HOXC6: variants seen among roughly 807,000 people sequenced by gnomAD.
HOXC6 encodes the protein homeobox protein Hox-C6.
A neutral mutation model predicts 24.0 loss-of-function variants in HOXC6; 10 were observed. The observed-to-expected ratio is 0.42, with a 90% CI of 0.26 to 0.71. The LOEUF is 0.71. HOXC6 is among the 30% of genes least tolerant of loss of function. The pLI is 0.28. For synonymous variants in HOXC6, 123 were observed against 128.1 expected (o/e 0.96, Z 0.27); for missense variants, 258 against 303.4 (o/e 0.85, Z 1.11).
intron 1 of HOXC6, among the ~76,000 whole-genome samples, chr12:54,018,640 C>T (rs1444241812): frequency 6.6e-6 from 1 of 152,188 alleles, no homozygotes; most frequent in Non-Finnish European, 1.5e-5. Flanking sequence ...GATATATGAC[C>T]CCGCCCTGCT....
chr12:54,023,567 G>C (rs1177481486), upstream of HOXC6, among the ~76,000 whole-genome samples: 1 of 152,124 alleles, frequency 6.6e-6, no homozygotes, highest in Non-Finnish European at 1.5e-5. Flanking sequence ...GGAGGTGTTT[G>C]GGGGCAGTTC....
upstream of HOXC6, chr12:54,028,267 A>ATAT (rs3031476): frequency 9.3e-5 from 7 of 75,366 alleles, no homozygotes; most frequent in Admixed American, 3.5e-4. Flanking sequence ...ATATATATAT[A>ATAT]TTTTTTAAAA....
intron 1 of HOXC6, chr12:54,017,485 G>A (rs903501993): frequency 6.6e-6 from 1 of 151,928 alleles, no homozygotes; most frequent in Admixed American, 6.5e-5. Flanking sequence ...GGACAGCAGC[G>A]GCTTCTCTTG....
chr12:54,023,061 G>T (rs1019454496), intron 1 of HOXC6, among the ~76,000 whole-genome samples: 1 of 152,170 alleles, frequency 6.6e-6, no homozygotes, highest in Non-Finnish European at 1.5e-5. Flanking sequence ...CCCCTCAAGT[G>T]TCCCTAGGCA....
At chr12:54,029,523 G>C in intron 1 of HOXC6, 132 bp from the exon 2 acceptor site, 1 of 906,160 alleles carries the variant, frequency 1.1e-6, no homozygotes, top group Non-Finnish European at 1.7e-6. Context: ...AGGCAAAAGG[G>C]AGAAGGCTAG....
upstream of HOXC6, among the ~76,000 whole-genome samples, chr12:54,025,539 AGG>A (rs1940659366): frequency 1.7e-4 from 4 of 23,706 alleles, no homozygotes; most frequent in African/African-American, 7.1e-4. Flanking sequence ...GGGGGGGGGG[AGG>A]TGTTGAAAAT....
upstream of HOXC6, among the ~76,000 whole-genome samples, chr12:54,026,617 T>C (rs549386109): frequency 1.3e-5 from 2 of 152,308 alleles, no homozygotes; most frequent in Non-Finnish European, 1.5e-5. Context: ...TTCTGGAGGA[T>C]TGGGGCTGTA....
At chr12:54,029,005 G>C in intron 1 of HOXC6, 84 bp downstream of exon 1, 1 of 1,317,518 alleles carries the variant, frequency 7.6e-7, no homozygotes, top group Non-Finnish European at 1.0e-6. Context: ...GGCGGAGAGA[G>C]TTTTTTATGG....
upstream of HOXC6, among the ~76,000 whole-genome samples, chr12:54,025,765 G>A (rs899840044): frequency 2.3e-4 from 35 of 151,884 alleles, no homozygotes; most frequent in African/African-American, 6.8e-4. Context: ...CTCTCAGGTC[G>A]CCAACCTCCC....
upstream of HOXC6, among the ~76,000 whole-genome samples, chr12:54,025,768 A>T (rs1288973507): frequency 6.6e-6 from 1 of 152,112 alleles, no homozygotes; most frequent in Non-Finnish European, 1.5e-5. Flanking sequence ...TCAGGTCGCC[A>T]ACCTCCCTGA....
At position 54,029,521 on chromosome 12, in the gene HOXC6, G is replaced by A. The variant is rs1041274442; in HGVS notation, c.401-134G>A. 57 of 867,670 alleles carry A rather than the reference G, an allele frequency of 6.6e-5. 1 individual carries two copies. The Middle Eastern group carries it at 1.7e-3, about 25-fold the overall frequency. 53.7% of individuals were successfully genotyped at this position (867,670 alleles called of 1,614,324 possible). Reference sequence around the variant, plus strand: ...CCAGTGGGGGTGGGGCAAGGCAAAAGGGAGAAGGCTAGAGCCCTAAGGAGG... The same window carrying A: ...CCAGTGGGGGTGGGGCAAGGCAAAAAGGAGAAGGCTAGAGCCCTAAGGAGG... On this transcript the variant is annotated intron_variant, in intron 1 of 1. Coordinates refer to ENST00000243108, the MANE Select transcript of HOXC6 (RefSeq NM_004503.4).
Position 54,029,676 on chromosome 12 carries a change from G to C in HOXC6, c.422G>C (p.Arg141Pro), listed in dbSNP as rs751242313. The change falls in exon 2 of 2, where the codon CGG becomes CCG. Residue 141 changes from arginine to proline, a missense_variant. Arg to Pro is a moderately radical substitution (Grantham distance 103, BLOSUM62 -2). Coordinates refer to ENST00000243108, the MANE Select transcript of HOXC6 (RefSeq NM_004503.4). Reference sequence around the variant, plus strand: ...TTAGGGGTCGGCTACGGAGCGGACCGGAGGCGCGGCCGCCAGATCTACTCG... The same window carrying C: ...TTAGGGGTCGGCTACGGAGCGGACCCGAGGCGCGGCCGCCAGATCTACTCG... ...SHSGVGYGAD[R>P]RRGRQIYSRY... The C allele has an allele frequency of 1.2e-6, 2 of 1,613,488 alleles. No homozygotes were observed. Among genetic ancestry groups the C allele is most frequent in the South Asian group, 1.1e-5 (1 of 91,066 alleles).
At position 54,029,899 on chromosome 12, in the gene HOXC6, C is replaced by G. The variant is rs1046125618; in HGVS notation, c.645C>G (p.Ala215=). Residue 215 remains alanine (A), a synonymous_variant, in exon 2 of 2, where the codon GCC becomes GCG. Coordinates refer to ENST00000243108, the MANE Select transcript of HOXC6 (RefSeq NM_004503.4). The part of the protein sequence containing the change: ...TLSGGGGGAT[A]DSLGGKEEKR... ...CGGGGGGCGGCGGAGGGGCCACCGC[C>G]GACAGCCTGGGCGGAAAAGAGGAAA... 1 of 1,609,332 alleles carries G rather than the reference C, an allele frequency of 6.2e-7. No homozygotes were observed. Among genetic ancestry groups the G allele is most frequent in the African/African-American group, 1.3e-5 (1 of 74,362 alleles).
At position 54,030,662 on chromosome 12, in the gene HOXC6, G is replaced by A. The variant is rs933865632; in HGVS notation, c.*700G>A. The A allele has an allele frequency of 1.3e-5, 2 of 152,552 alleles. No homozygotes were observed. The highest frequency in any genetic ancestry group is 1.9e-4 in the East Asian group (1 of 5,200). The allele number at this position is 152,552 out of a possible 1,614,324, so 9.4% of individuals were successfully genotyped here. On this transcript the variant is annotated 3_prime_UTR_variant, in exon 2 of 2. Coordinates refer to ENST00000243108, the MANE Select transcript of HOXC6 (RefSeq NM_004503.4). ...ATTTCAAAAAAGGAAAAAAAAGAGG[G>A]AAAATTACAAAAAGAGAGAAAAAAA...
At chr12:54,025,801 T>A (rs982946515), upstream of HOXC6, among the ~76,000 whole-genome samples, 20 of 152,104 alleles carry the variant, frequency 1.3e-4, no homozygotes, top group African/African-American at 4.8e-4. Context: ...TAGGCCCCAA[T>A]AGAGAATCTC....
chr12:54,028,508 G>A lies in HOXC6; in HGVS notation c.-14G>A, dbSNP rs758278316. On this transcript the variant is annotated 5_prime_UTR_variant, in exon 1 of 2. Coordinates refer to ENST00000243108, the MANE Select transcript of HOXC6 (RefSeq NM_004503.4). Reference sequence around the variant, plus strand: ...ATTAAAGAAATCATAGACCGACCAGGTAAAGGCAAAGGGATGAATTCCTAC... The same window carrying A: ...ATTAAAGAAATCATAGACCGACCAGATAAAGGCAAAGGGATGAATTCCTAC... 1.9e-6 allele frequency: 3 copies of A among 1,611,600 alleles called. No homozygotes were observed. The highest frequency in any genetic ancestry group is 4.5e-5 in the East Asian group (2 of 44,856).
upstream of HOXC6, among the ~76,000 whole-genome samples, chr12:54,024,250 G>A (rs909263691): frequency 1.3e-5 from 2 of 152,120 alleles, no homozygotes; most frequent in African/African-American, 2.4e-5. Context: ...GGTGGTGGGG[G>A]CAGGGTCGGG....
At chr12:54,029,629 AGT>A in intron 1 of HOXC6, 24 bp from the exon 2 acceptor site, 1 of 1,602,984 alleles carries the variant, frequency 6.2e-7, no homozygotes, top group Non-Finnish European at 8.5e-7. Flanking sequence ...GATTGCTTTT[AGT>A]GTGTTTTGTG....
chr12:54,027,217 C>G (rs931724744), upstream of HOXC6, among the ~76,000 whole-genome samples: 1 of 152,186 alleles, frequency 6.6e-6, no homozygotes, highest in African/African-American at 2.4e-5. Context: ...ATAAAATGGG[C>G]GTTGAGGTTG....
Sources: gnomAD v4.1 joint callset for allele counts (sites outside exome capture counted in the v4.1 genomes callset) on GRCh38, gnomAD v4.1.1 for gene constraint, MANE v1.5 for transcripts, NCBI Gene and HGNC (gene_info 2026-07-23, HGNC 2026-07-21) for gene names.